C8orf34: variants seen among roughly 807,000 people sequenced by gnomAD.
C8orf34 encodes uncharacterized protein C8orf34.
In C8orf34, 65 loss-of-function variants were observed where a neutral mutation model predicts 68.3. The ratio of observed to expected loss-of-function variants is 0.95; its 90% CI spans 0.78 to 1.17. C8orf34 has a LOEUF of 1.17. Among genes scored for constraint, C8orf34 ranks in the 50% most tolerant of loss-of-function variants. The pLI is 0.00. For missense variants in C8orf34, 664 were observed against 655.4 expected (o/e 1.01, Z -0.14); for synonymous variants, 244 against 241.2 (o/e 1.01, Z -0.11).
At chr8:68,473,442 G>A (rs1245814859) in intron 4 of C8orf34, among the ~76,000 whole-genome samples, 6 of 152,086 alleles carry the variant, frequency 3.9e-5, no homozygotes, top group Admixed American at 1.3e-4. Context: ...TACCGCACAC[G>A]TGGTTTGAAA....
At chr8:68,735,345 T>C (rs890999883) in intron 10 of C8orf34, among the ~76,000 whole-genome samples, 11 of 152,220 alleles carry the variant, frequency 7.2e-5, no homozygotes, top group African/African-American at 2.7e-4. Flanking sequence ...ATTCAAACTG[T>C]TCTGAAATTT....
At chr8:68,689,482 A>G (rs1820624766) in intron 8 of C8orf34, among the ~76,000 whole-genome samples, 2 of 152,134 alleles carry the variant, frequency 1.3e-5, no homozygotes, top group African/African-American at 4.8e-5. Flanking sequence ...ATGTGGCCTC[A>G]CAGCCCATGC....
At chr8:68,543,178 T>A (rs1166375364) in intron 7 of C8orf34, among the ~76,000 whole-genome samples, 1 of 152,082 alleles carries the variant, frequency 6.6e-6, no homozygotes, top group Non-Finnish European at 1.5e-5. Context: ...ACCTTCCTAA[T>A]AAGCAAAAAA....
intron 1 of C8orf34, chr8:68,331,632 C>T: frequency 2.1e-6 from 1 of 466,688 alleles, no homozygotes; most frequent in Non-Finnish European, 4.0e-6. Context: ...CACCTCTCAG[C>T]TACATGTTCA....
At chr8:68,639,723 T>G (rs1444247333) in intron 7 of C8orf34, among the ~76,000 whole-genome samples, 1 of 152,130 alleles carries the variant, frequency 6.6e-6, no homozygotes, top group African/African-American at 2.4e-5. Context: ...AAGAGAAAAT[T>G]TAGTTCTTTT....
intron 1 of C8orf34, among the ~76,000 whole-genome samples, chr8:68,376,793 T>C (rs545925595): frequency 1.3e-5 from 2 of 152,254 alleles, no homozygotes; most frequent in East Asian, 3.9e-4. Flanking sequence ...GAGTAGTCAG[T>C]GGATAACTAC....
chr8:68,458,797 TG>T (rs1326753429), intron 3 of C8orf34, among the ~76,000 whole-genome samples: 2 of 152,220 alleles, frequency 1.3e-5, no homozygotes, highest in Non-Finnish European at 2.9e-5. Context: ...CACACTGGCA[TG>T]TTAGTAATTT....
chr8:68,516,315 A>T (rs912563193), intron 5 of C8orf34, among the ~76,000 whole-genome samples: 2 of 152,220 alleles, frequency 1.3e-5, no homozygotes, highest in Non-Finnish European at 2.9e-5. Context: ...GTTTATTTTC[A>T]TGAAATCAGA....
intron 7 of C8orf34, among the ~76,000 whole-genome samples, chr8:68,575,780 T>C (rs28560470): frequency 0.56 from 84,849 of 151,568 alleles, 24,500 homozygotes; most frequent in African/African-American, 0.72. Context: ...GGTTCCTGGT[T>C]TTCAGTAGCA....
At chr8:68,724,710 C>CAAAACAA in intron 10 of C8orf34, among the ~76,000 whole-genome samples, 1 of 152,004 alleles carries the variant, frequency 6.6e-6, no homozygotes, top group Non-Finnish European at 1.5e-5. Context: ...TTTAGTAAAC[C>CAAAACAA]AACAAAAAGA....
At chr8:68,338,652 G>A (rs1344444823) in intron 1 of C8orf34, among the ~76,000 whole-genome samples, 1 of 152,060 alleles carries the variant, frequency 6.6e-6, no homozygotes, top group Non-Finnish European at 1.5e-5. Flanking sequence ...GTTGCAGCAT[G>A]TTACCAATTT....
chr8:68,765,769 A>G (rs573816778), intron 10 of C8orf34, among the ~76,000 whole-genome samples: 9 of 152,342 alleles, frequency 5.9e-5, no homozygotes, highest in Admixed American at 1.3e-4. Flanking sequence ...TGCAGATAGC[A>G]TTTTCTCTAA....
chr8:68,625,535 A>G, intron 7 of C8orf34: 3 of 670,774 alleles, frequency 4.5e-6, no homozygotes, highest in Admixed American at 2.2e-5. Flanking sequence ...TTGAAGTGTA[A>G]GGGATGAGAA....
At chr8:68,419,523 G>T (rs912296069) in intron 1 of C8orf34, among the ~76,000 whole-genome samples, 3 of 151,870 alleles carry the variant, frequency 2.0e-5, no homozygotes, top group Non-Finnish European at 4.4e-5. Context: ...AAAGACACTT[G>T]CACACATATG....
intron 1 of C8orf34, among the ~76,000 whole-genome samples, chr8:68,389,456 C>G (rs973376709): frequency 6.6e-6 from 1 of 152,076 alleles, no homozygotes; most frequent in Admixed American, 6.6e-5. Flanking sequence ...TAGGAGAGAT[C>G]ATGGTAGATG....
At chr8:68,598,633 C>T (rs775413391) in intron 7 of C8orf34, among the ~76,000 whole-genome samples, 29 of 152,040 alleles carry the variant, frequency 1.9e-4, no homozygotes, top group Non-Finnish European at 3.8e-4. Context: ...GAAGACCGTT[C>T]GTTGAATAGA....
intron 10 of C8orf34, among the ~76,000 whole-genome samples, chr8:68,762,888 A>G (rs1012733929): frequency 2.0e-5 from 3 of 152,214 alleles, no homozygotes; most frequent in African/African-American, 7.2e-5. Flanking sequence ...TTAGACCACG[A>G]AGGAATGACT....
chr8:68,383,027 C>T (rs1808109887), intron 1 of C8orf34, among the ~76,000 whole-genome samples: 1 of 152,058 alleles, frequency 6.6e-6, no homozygotes. Flanking sequence ...TTGGCCTAGA[C>T]ATTGAGTCTG....
chr8:68,439,656 G>GAA lies in C8orf34; in HGVS notation c.475+11_475+12dup. 1 of 1,607,630 alleles carries GAA rather than the reference G, an allele frequency of 6.2e-7. No individual in the cohort carries two copies. On this transcript the variant is annotated intron_variant, in intron 2 of 13. Transcript: ENST00000518698. ...GAAAGTGAAAAATCAGGTAAATGAA[G>GAA]AATGTCTATGCAGTTAATTTGGGAT...
Sources: gnomAD v4.1 joint callset for allele counts (sites outside exome capture counted in the v4.1 genomes callset) on GRCh38, gnomAD v4.1.1 for gene constraint, MANE v1.5 for transcripts, NCBI Gene and HGNC (gene_info 2026-07-23, HGNC 2026-07-21) for gene names.